SPMAP2L: variants seen among roughly 807,000 people sequenced by gnomAD.
The protein encoded by SPMAP2L is sperm microtubule associated protein 2-like.
At chr4:56,595,253 A>G in the SPMAP2L span, 3 of 1,612,260 alleles carry the variant, frequency 1.9e-6, no homozygotes, top group Non-Finnish European at 2.5e-6. Context: ...TTTATTTTGG[A>G]CACGAGACCC....
At chr4:56,566,701 T>TTTTTC in the SPMAP2L span, among the ~76,000 whole-genome samples, 2 of 132,654 alleles carry the variant, frequency 1.5e-5, no homozygotes, top group Non-Finnish European at 3.2e-5. Flanking sequence ...TTTTCTTTTT[T>TTTTTC]TTTTTTTTTT....
At chr4:56,574,788 T>C in the SPMAP2L span, among the ~76,000 whole-genome samples, 1,113 of 152,006 alleles carry the variant, frequency 7.3e-3, 18 homozygotes, top group African/African-American at 0.025. Flanking sequence ...AAGACCAGCC[T>C]GGGGAACATA....
chr4:56,563,266 T>A, the SPMAP2L span, among the ~76,000 whole-genome samples: 2,194 of 150,752 alleles, frequency 0.015, 76 homozygotes, highest in African/African-American at 0.051. Flanking sequence ...CTAATTTTTT[T>A]TTTTTTTTTG....
At chr4:56,593,492 T>C in the SPMAP2L span, 2 of 1,599,666 alleles carry the variant, frequency 1.3e-6, no homozygotes. Context: ...ACGGAACTCG[T>C]GGAGAGAGCT....
chr4:56,622,608 T>G, the SPMAP2L span, among the ~76,000 whole-genome samples: 1 of 152,206 alleles, frequency 6.6e-6, no homozygotes, highest in Non-Finnish European at 1.5e-5. Context: ...TTCATTTTGT[T>G]CTGAGAACAT....
chr4:56,577,522 G>T, the SPMAP2L span, among the ~76,000 whole-genome samples: 2 of 152,002 alleles, frequency 1.3e-5, no homozygotes, highest in Non-Finnish European at 2.9e-5. Flanking sequence ...GGAGGTGGAG[G>T]TTGCAGTGAG....
At chr4:56,581,950 G>A in the SPMAP2L span, among the ~76,000 whole-genome samples, 920 of 152,204 alleles carry the variant, frequency 6.0e-3, 13 homozygotes, top group African/African-American at 0.021. Context: ...AAATGGTGCT[G>A]TGATAACTGG....
the SPMAP2L span, among the ~76,000 whole-genome samples, chr4:56,533,853 A>C: frequency 6.6e-6 from 1 of 151,944 alleles, no homozygotes; most frequent in Non-Finnish European, 1.5e-5. Context: ...TGGTAGACTG[A>C]GGCAGGAGCA....
At chr4:56,575,929 T>C in the SPMAP2L span, among the ~76,000 whole-genome samples, 1 of 152,190 alleles carries the variant, frequency 6.6e-6, no homozygotes, top group Non-Finnish European at 1.5e-5. Flanking sequence ...GTTTTTGCAA[T>C]TTGTGGAATT....
At chr4:56,552,134 AT>A in the SPMAP2L span, among the ~76,000 whole-genome samples, 1 of 152,150 alleles carries the variant, frequency 6.6e-6, no homozygotes, top group Non-Finnish European at 1.5e-5. Flanking sequence ...CCAAAAGTGT[AT>A]TTTGCCTATT....
the SPMAP2L span, among the ~76,000 whole-genome samples, chr4:56,609,567 C>T: frequency 3.3e-5 from 5 of 151,986 alleles, no homozygotes; most frequent in South Asian, 2.1e-4. Flanking sequence ...TTGGGGGAAC[C>T]GGAGGCAAAA....
the SPMAP2L span, among the ~76,000 whole-genome samples, chr4:56,611,836 G>T: frequency 5.4e-4 from 82 of 152,126 alleles, no homozygotes; most frequent in Non-Finnish European, 9.7e-4. Flanking sequence ...AATCACGTAA[G>T]ACCCCCTAGT....
At chr4:56,553,401 C>T in the SPMAP2L span, among the ~76,000 whole-genome samples, 2 of 151,398 alleles carry the variant, frequency 1.3e-5, no homozygotes, top group African/African-American at 4.8e-5. Context: ...CTATGTTTCC[C>T]AGGCTGGCCT....
the SPMAP2L span, chr4:56,603,439 A>T: frequency 1.6e-6 from 1 of 643,512 alleles, no homozygotes. Context: ...CCCCTCCCAC[A>T]AAATGAGACC....
the SPMAP2L span, among the ~76,000 whole-genome samples, chr4:56,606,585 ACTGCCTTCCAGTAAATCCC>A: frequency 1.3e-5 from 2 of 152,144 alleles, no homozygotes; most frequent in African/African-American, 4.8e-5. Context: ...TGATGCCGGA[ACTGCCTTCCAGTAAATCCC>A]CTGAGGCAGA....
chr4:56,545,164 A>G, the SPMAP2L span, among the ~76,000 whole-genome samples: 1 of 152,140 alleles, frequency 6.6e-6, no homozygotes, highest in Non-Finnish European at 1.5e-5. Flanking sequence ...AAAAGATTCC[A>G]CTGTTAGGAA....
the SPMAP2L span, among the ~76,000 whole-genome samples, chr4:56,562,013 C>T: frequency 3.3e-5 from 5 of 152,212 alleles, no homozygotes; most frequent in South Asian, 1.0e-3. Flanking sequence ...CATGAGCCAC[C>T]GCGCCTGGCC....
At chr4:56,618,943 T>G in the SPMAP2L span, among the ~76,000 whole-genome samples, 1 of 152,216 alleles carries the variant, frequency 6.6e-6, no homozygotes, top group Non-Finnish European at 1.5e-5. Context: ...AAAGCAGCCC[T>G]GTAGCTTATC....
At chr4:56,579,365 A>T in the SPMAP2L span, among the ~76,000 whole-genome samples, 1 of 152,214 alleles carries the variant, frequency 6.6e-6, no homozygotes, top group Non-Finnish European at 1.5e-5. Context: ...CAATAGGTCA[A>T]AGAAGAAATC....
Sources: gnomAD v4.1 joint callset for allele counts (sites outside exome capture counted in the v4.1 genomes callset) on GRCh38, gnomAD v4.1.1 for gene constraint, MANE v1.5 for transcripts, NCBI Gene and HGNC (gene_info 2026-07-23, HGNC 2026-07-21) for gene names.